LRRC49: variants seen among roughly 807,000 people sequenced by gnomAD.
LRRC49 encodes the protein leucine-rich repeat-containing protein 49.
Under a neutral mutation model 83.3 loss-of-function variants are expected in LRRC49, and 50 were observed. The ratio of observed to expected loss-of-function variants is 0.60; its 90% CI spans 0.48 to 0.76. The LOEUF (loss-of-function observed/expected upper bound fraction) is 0.76. LRRC49 is among the 30% of genes least tolerant of loss of function. The pLI is 0.00. For missense variants in LRRC49, 704 were observed against 809.1 expected (o/e 0.87, Z 1.58); for synonymous variants, 286 against 283.3 (o/e 1.01, Z -0.10).
At chr15:70,882,656 A>T in intron 2 of LRRC49, 1 of 1,613,476 alleles carries the variant, frequency 6.2e-7, no homozygotes, top group African/African-American at 1.3e-5. Flanking sequence ...AATACCTGAA[A>T]GAGAATAAGC....
At chr15:70,948,624 T>C (rs2036098826) in intron 8 of LRRC49, among the ~76,000 whole-genome samples, 1 of 152,036 alleles carries the variant, frequency 6.6e-6, no homozygotes, top group Non-Finnish European at 1.5e-5. Context: ...TGTGTCCTCA[T>C]TCTTTAAGTA....
chr15:70,913,246 C>T (rs187512351), intron 6 of LRRC49, among the ~76,000 whole-genome samples: 1 of 152,280 alleles, frequency 6.6e-6, no homozygotes, highest in African/African-American at 2.4e-5. Context: ...TCAGTGTGGT[C>T]TCTCTAGGCT....
chr15:71,045,217 A>G (rs773046713), intron 15 of LRRC49, among the ~76,000 whole-genome samples: 41 of 152,216 alleles, frequency 2.7e-4, no homozygotes, highest in Non-Finnish European at 5.0e-4. Context: ...ACTTCAATAT[A>G]TTTTCTTCAA....
rs1457514278 is a variant in LRRC49 at position 70,980,155 on chromosome 15, C to T, written c.976C>T (p.Arg326Trp). 3.1e-6 allele frequency: 5 copies of T among 1,611,750 alleles called. No homozygotes were observed. Among genetic ancestry groups the T allele is most frequent in the East Asian group, 4.5e-5 (2 of 44,750 alleles). ...AGCCAAAAAAGAGGAAGAGAAGAAG[C>T]GGGAAAGTCATAAACAATCTTTGCT... ...VLAKKEEEKK[R>W]ESHKQSLLKE... The change falls in exon 10 of 16, where the codon CGG becomes TGG. Residue 326 changes from arginine (R) to tryptophan (W), a missense_variant. By Grantham distance (101) the Arg-to-Trp change is moderately radical. Transcript: ENST00000260382.
intron 8 of LRRC49, among the ~76,000 whole-genome samples, chr15:70,961,449 G>A (rs1044117726): frequency 6.6e-6 from 1 of 152,148 alleles, no homozygotes; most frequent in Non-Finnish European, 1.5e-5. Flanking sequence ...AGTTGCAGGT[G>A]AATATTTACA....
chr15:70,988,253 A>T, intron 11 of LRRC49, among the ~76,000 whole-genome samples: 1 of 150,068 alleles, frequency 6.7e-6, no homozygotes, highest in East Asian at 1.9e-4. Flanking sequence ...GTCTCCCATT[A>T]TTATTGTGTG....
chr15:70,946,258 A>G lies in LRRC49; in HGVS notation c.773+9436A>G, dbSNP rs1051105647. 2.0e-5 allele frequency among the ~76,000 whole-genome samples: 3 copies of G among 152,066 alleles called. No homozygotes were observed. The South Asian group carries it at 6.2e-4, about 31-fold the overall frequency. On this transcript the variant is annotated intron_variant, in intron 8 of 15. Coordinates refer to ENST00000260382, the MANE Select transcript of LRRC49 (RefSeq NM_017691.5). ...ATCTCCCCAATCACCCTACATGACC[A>G]TAGCCTCTGATAACTACCATTCTAC...
chr15:70,892,697 G>A (rs2033632982), upstream of LRRC49: 1 of 1,460,054 alleles, frequency 6.8e-7, no homozygotes, highest in African/African-American at 1.4e-5. Context: ...GACGCACTGG[G>A]CTCTCACGAA....
intron 1 of LRRC49, among the ~76,000 whole-genome samples, chr15:70,864,871 T>G (rs1429547100): frequency 6.6e-6 from 1 of 152,178 alleles, no homozygotes; most frequent in African/African-American, 2.4e-5. Flanking sequence ...CATCTGTGTA[T>G]CCGGGAATCT....
At chr15:71,012,972 A>G in intron 14 of LRRC49, 59 bp downstream of exon 14, 1 of 1,037,624 alleles carries the variant, frequency 9.6e-7, no homozygotes, top group Non-Finnish European at 1.5e-6. Flanking sequence ...AAAAGAAATA[A>G]ATTCCACATA....
At chr15:70,947,372 TA>T (rs2036046141) in intron 8 of LRRC49, among the ~76,000 whole-genome samples, 1 of 152,168 alleles carries the variant, frequency 6.6e-6, no homozygotes, top group South Asian at 2.1e-4. Context: ...TCTTTATGTT[TA>T]AAACACCAAA....
intron 14 of LRRC49, among the ~76,000 whole-genome samples, chr15:71,025,514 A>C (rs2039135588): frequency 6.6e-6 from 1 of 152,166 alleles, no homozygotes; most frequent in Non-Finnish European, 1.5e-5. Context: ...TTCACACAAA[A>C]CAATATTAAC....
At chr15:70,954,035 C>T (rs1404629492) in intron 8 of LRRC49, among the ~76,000 whole-genome samples, 1 of 152,010 alleles carries the variant, frequency 6.6e-6, no homozygotes, top group Non-Finnish European at 1.5e-5. Context: ...CTTGACTCTA[C>T]AAGCATGTGC....
chr15:71,048,563 A>G (rs1477720886), intron 15 of LRRC49, among the ~76,000 whole-genome samples: 1 of 152,044 alleles, frequency 6.6e-6, no homozygotes, highest in Admixed American at 6.6e-5. Flanking sequence ...TGTAATTCTG[A>G]TTATCTGATG....
chr15:70,877,716 G>C (rs1326959639), intron 2 of LRRC49, among the ~76,000 whole-genome samples: 1 of 152,082 alleles, frequency 6.6e-6, no homozygotes, highest in African/African-American at 2.4e-5. Flanking sequence ...GAATGATATG[G>C]GTATGTTACC....
intron 1 of LRRC49, among the ~76,000 whole-genome samples, chr15:70,860,537 C>A (rs972667119): frequency 2.6e-5 from 4 of 152,178 alleles, no homozygotes; most frequent in African/African-American, 9.7e-5. Flanking sequence ...GCCTCAGCCT[C>A]CCAAGTAGCT....
At chr15:70,985,715 C>G (rs988356630) in intron 11 of LRRC49, among the ~76,000 whole-genome samples, 7 of 151,270 alleles carry the variant, frequency 4.6e-5, no homozygotes, top group Non-Finnish European at 7.4e-5. Flanking sequence ...ATGCCTATGT[C>G]CTGAATGGTA....
intron 1 of LRRC49, among the ~76,000 whole-genome samples, chr15:70,866,740 C>G (rs1169664566): frequency 6.6e-6 from 1 of 152,026 alleles, no homozygotes; most frequent in African/African-American, 2.4e-5. Flanking sequence ...GACCATATAC[C>G]AAGGTCCTAA....
At chr15:71,023,760 A>G (rs898344865) in intron 14 of LRRC49, among the ~76,000 whole-genome samples, 1 of 152,224 alleles carries the variant, frequency 6.6e-6, no homozygotes, top group African/African-American at 2.4e-5. Context: ...TCTCAAGCAC[A>G]GAGCTGTGCA....
Sources: gnomAD v4.1 joint callset for allele counts (sites outside exome capture counted in the v4.1 genomes callset) on GRCh38, gnomAD v4.1.1 for gene constraint, MANE v1.5 for transcripts, NCBI Gene and HGNC (gene_info 2026-07-23, HGNC 2026-07-21) for gene names.